Variants in ZC2HC1A observed in about 807,000 individuals in gnomAD.
ZC2HC1A encodes zinc finger C2HC-type containing 1A, also known as zinc finger C2HC domain-containing protein 1A.
In ZC2HC1A, 28 loss-of-function variants were observed where a neutral mutation model predicts 40.7. The ratio of observed to expected loss-of-function variants is 0.69; its 90% CI spans 0.51 to 0.94. The LOEUF (loss-of-function observed/expected upper bound fraction) is 0.94. ZC2HC1A is among the 40% of genes least tolerant of loss of function. The pLI, the probability that ZC2HC1A is intolerant of heterozygous loss-of-function variation, is 0.00. For synonymous variants in ZC2HC1A, 129 were observed against 129.2 expected (o/e 1.00, Z 0.01); for missense variants, 389 against 386.3 (o/e 1.01, Z -0.06).
intron 2 of ZC2HC1A, among the ~76,000 whole-genome samples, chr8:78,677,846 A>T (rs1809632223): frequency 6.6e-6 from 1 of 152,212 alleles, no homozygotes; most frequent in Admixed American, 6.5e-5. Context: ...TAAAGGAATG[A>T]AAGAACGGGT....
At chr8:78,704,405 A>C (rs1464662765) in intron 7 of ZC2HC1A, among the ~76,000 whole-genome samples, 1 of 151,634 alleles carries the variant, frequency 6.6e-6, no homozygotes, top group African/African-American at 2.4e-5. Context: ...AAAAAAAAAA[A>C]AGAATGTTAA....
chr8:78,678,842 C>T, intron 3 of ZC2HC1A, 163 bp downstream of exon 3: 1 of 433,274 alleles, frequency 2.3e-6, no homozygotes, highest in East Asian at 3.8e-5. Flanking sequence ...TAGAAATTAT[C>T]TGAAGCTTAT....
At chr8:78,687,932 T>G (rs1402862794) in intron 4 of ZC2HC1A, among the ~76,000 whole-genome samples, 1 of 143,156 alleles carries the variant, frequency 7.0e-6, no homozygotes, top group African/African-American at 2.5e-5. Context: ...TATTTATATC[T>G]ATATTTTTAT....
chr8:78,678,164 T>C (rs1809643876), intron 2 of ZC2HC1A, among the ~76,000 whole-genome samples: 2 of 152,182 alleles, frequency 1.3e-5, no homozygotes, highest in African/African-American at 4.8e-5. Context: ...TCCTATCTTA[T>C]TCTGTGACTT....
intron 1 of ZC2HC1A, among the ~76,000 whole-genome samples, chr8:78,672,151 C>T (rs1359448732): frequency 1.3e-5 from 2 of 152,004 alleles, no homozygotes; most frequent in East Asian, 3.9e-4. Flanking sequence ...TTAATTAGAG[C>T]AAAATGTGGC....
At chr8:78,682,591 C>T (rs1809825032) in intron 3 of ZC2HC1A, among the ~76,000 whole-genome samples, 1 of 152,158 alleles carries the variant, frequency 6.6e-6, no homozygotes, top group African/African-American at 2.4e-5. Context: ...CCTCCCACAA[C>T]CTGTGGGGAT....
intron 7 of ZC2HC1A, among the ~76,000 whole-genome samples, chr8:78,699,959 ATATT>A (rs1257341829): frequency 1.3e-5 from 2 of 152,096 alleles, no homozygotes; most frequent in African/African-American, 4.8e-5. Context: ...AGAATGATAT[ATATT>A]CTTCTGGGTA....
chr8:78,700,951 C>T (rs1810582590), intron 7 of ZC2HC1A, among the ~76,000 whole-genome samples: 1 of 152,126 alleles, frequency 6.6e-6, no homozygotes, highest in Non-Finnish European at 1.5e-5. Context: ...GTTCTTTTTG[C>T]TTAGAATTAC....
rs574401853 is a variant in ZC2HC1A, at chr8:78,689,371, G to C, written c.502G>C (p.Val168Leu). Residue 168 changes from valine (V) to leucine (L), a missense_variant and splice_region_variant, in exon 5 of 9, where the codon GTG becomes CTG. Transcript: ENST00000263849. ...TKGKPTSRTQ[V>L]YKPPALKKSN... is the part of the protein sequence containing the mutation. ...AGGAAAACCAACTTCTCGGACACAG[G>C]TGGTAAGTTCAGTTTTAATAATTGC... 3.2e-6 allele frequency: 5 copies of C among 1,577,230 alleles called. No homozygotes were observed. The East Asian group carries it at 1.2e-4, about 36-fold the overall frequency.
rs1039383552 is a variant in ZC2HC1A, at chr8:78,717,323, T to C, written c.813-5T>C. 6 of 1,600,684 alleles carry C rather than the reference T, an allele frequency of 3.7e-6. No homozygotes were observed. The highest frequency in any genetic ancestry group is 5.1e-6 in the Non-Finnish European group (6 of 1,176,054). On this transcript the variant is annotated splice_region_variant and splice_polypyrimidine_tract_variant and intron_variant, in intron 8 of 8. Transcript: ENST00000263849. The stretch of plus-strand genomic sequence containing the variant: ...TATCTTTTCATTGTTTCTTTACTTT[T>C]TTAGGCCAGATGGGGACTGTGCATC...
chr8:78,678,342 A>C (rs954781843), intron 2 of ZC2HC1A, among the ~76,000 whole-genome samples: 2 of 152,076 alleles, frequency 1.3e-5, no homozygotes, highest in Admixed American at 1.3e-4. Flanking sequence ...GAGTGTTTAT[A>C]ATTTTTTTTA....
intron 8 of ZC2HC1A, 103 bp from the exon 9 acceptor site, chr8:78,717,225 T>C: frequency 9.5e-7 from 1 of 1,049,752 alleles, no homozygotes; most frequent in Non-Finnish European, 1.3e-6. Flanking sequence ...AAAAACGAGA[T>C]TAAGCAGGCT....
intron 1 of ZC2HC1A, 89 bp downstream of exon 1, chr8:78,666,253 C>T: frequency 1.3e-6 from 2 of 1,537,482 alleles, no homozygotes; most frequent in South Asian, 1.2e-5. Flanking sequence ...AAGGCGAGGG[C>T]TGGTTCGGTG....
chr8:78,671,025 G>A (rs1339521864), intron 1 of ZC2HC1A, among the ~76,000 whole-genome samples: 1 of 152,162 alleles, frequency 6.6e-6, no homozygotes, highest in Non-Finnish European at 1.5e-5. Flanking sequence ...GGAGTCAAAT[G>A]AACGGTGATA....
intron 3 of ZC2HC1A, among the ~76,000 whole-genome samples, chr8:78,683,644 G>T (rs1476129107): frequency 2.0e-5 from 3 of 152,122 alleles, no homozygotes; most frequent in South Asian, 4.1e-4. Context: ...GATGTGCCCT[G>T]GAGGCATTTT....
intron 5 of ZC2HC1A, among the ~76,000 whole-genome samples, chr8:78,694,519 A>G (rs1183235609): frequency 6.6e-6 from 1 of 152,172 alleles, no homozygotes; most frequent in African/African-American, 2.4e-5. Flanking sequence ...ATGCAAATTT[A>G]TACAGCAAAT....
chr8:78,679,878 C>T (rs1809711879), intron 3 of ZC2HC1A, among the ~76,000 whole-genome samples: 2 of 152,058 alleles, frequency 1.3e-5, no homozygotes, highest in Admixed American at 1.3e-4. Context: ...CTGTATAAAT[C>T]AATATATGAC....
intron 3 of ZC2HC1A, among the ~76,000 whole-genome samples, chr8:78,686,235 G>A (rs1809966138): frequency 6.6e-6 from 1 of 152,208 alleles, no homozygotes; most frequent in African/African-American, 2.4e-5. Context: ...CCTACAGAAG[G>A]CAGTTTAGTA....
At chr8:78,697,580 C>A in intron 6 of ZC2HC1A, 74 bp downstream of exon 6, 1 of 1,077,586 alleles carries the variant, frequency 9.3e-7, no homozygotes, top group South Asian at 1.4e-5. Flanking sequence ...AGATAGTGGT[C>A]TATTCTGGAA....
Sources: allele counts gnomAD v4.1 joint callset (sites outside exome capture counted in the v4.1 genomes callset), GRCh38; gene constraint gnomAD v4.1.1; transcripts MANE v1.5; gene names NCBI Gene and HGNC (gene_info 2026-07-23, HGNC 2026-07-21).